SH2D5: variants seen among roughly 807,000 people sequenced by gnomAD.
The protein encoded by SH2D5 is SH2 domain-containing protein 5.
SH2D5 carries 45 observed loss-of-function variants against 48.2 expected under a neutral mutation model. That is an observed-to-expected ratio of 0.93 (90% CI 0.73 to 1.20). SH2D5 has a LOEUF of 1.20. Among genes scored for constraint, SH2D5 ranks in the 50% most tolerant of loss-of-function variants. SH2D5 has a pLI of 0.00. For missense variants in SH2D5, 538 were observed against 584.1 expected (o/e 0.92, Z 0.81); for synonymous variants, 230 against 249.8 (o/e 0.92, Z 0.75).
chr1:20,724,747 G>C, intron 5 of SH2D5, 112 bp from the exon 6 acceptor site: 1 of 1,308,622 alleles, frequency 7.6e-7, no homozygotes, highest in Non-Finnish European at 1.0e-6. Context: ...TGGCTTCGGA[G>C]GCTCTTCCCA....
In SH2D5 at chr1:20,729,424, C is replaced by A. The variant is rs2054866374; in HGVS notation, c.-42-1338G>T. 6.6e-6 allele frequency among the ~76,000 whole-genome samples: 1 copy of A among 152,168 alleles called. No homozygotes were observed. Among genetic ancestry groups the A allele is most frequent in the Admixed American group, 6.5e-5 (1 of 15,288 alleles). On this transcript the variant is annotated intron_variant, in intron 1 of 9. Coordinates refer to ENST00000444387, the MANE Select transcript of SH2D5 (RefSeq NM_001103161.2). The surrounding 1 kb of genome is among the most constrained non-coding windows in gnomAD (Gnocchi z 4.2). Reference sequence around the variant, plus strand: ...CCAGCTGCCTCAACCCTCTGAGCCTCCCCTTCCTCATCTGCAAACCTGGGA... The same window carrying A: ...CCAGCTGCCTCAACCCTCTGAGCCTACCCTTCCTCATCTGCAAACCTGGGA...
At chr1:20,731,524 G>A (rs564914312) in intron 1 of SH2D5, 1 of 152,652 alleles carries the variant, frequency 6.6e-6, no homozygotes, top group South Asian at 2.1e-4. Flanking sequence ...CGCCGCCGGT[G>A]GACGAAGGTG....
At position 20,721,818 on chromosome 1, in the gene SH2D5, C is replaced by T. The variant is rs761666159; in HGVS notation, c.1246G>A (p.Glu416Lys). The T allele has an allele frequency of 3.8e-5, 61 of 1,598,046 alleles. No homozygotes were observed. Among genetic ancestry groups the T allele is most frequent in the Non-Finnish European group, 4.4e-5 (52 of 1,171,958 alleles). The change falls in exon 10 of 10, where the codon GAG becomes AAG. Residue 416 changes from glutamate to lysine, a missense_variant. Glu to Lys is a moderately conservative substitution (Grantham distance 56). Coordinates refer to ENST00000444387, the MANE Select transcript of SH2D5 (RefSeq NM_001103161.2). ...TLRPLSHAKS[E>K]AELQGLG ...TAGCCCAGGCCCTGCAGCTCTGCCT[C>T]GGACTTGGCATGGCTGAGGGGCCGG... is the stretch of plus-strand genomic sequence containing the variant.
rs919248892 is a variant in SH2D5 at position 20,724,419 on chromosome 1, C to T, written c.607G>A (p.Ala203Thr). The T allele has an allele frequency of 1.4e-5, 22 of 1,612,778 alleles. No individual in the cohort carries two copies. The highest frequency in any genetic ancestry group is 1.1e-5 in the Non-Finnish European group (13 of 1,180,008). ...HALVSFRRLP[A>T]EGLVGSGKEL... ...ACCCCACTGCCCACCAGCCCCTCTG[C>T]TGGCAGCCGCCGAAAGGAGACCAGG... is the stretch of plus-strand genomic sequence containing the variant. The change falls in exon 6 of 10, where the codon GCA becomes ACA. Residue 203 changes from alanine (A) to threonine (T), a missense_variant. Ala to Thr is a moderately conservative substitution (Grantham distance 58). Coordinates refer to ENST00000444387, the MANE Select transcript of SH2D5 (RefSeq NM_001103161.2).
In SH2D5 at chr1:20,726,010, G is replaced by A. The variant is rs370887947; in HGVS notation, c.300C>T (p.Ala100=). 26 of 1,612,636 alleles carry A rather than the reference G, an allele frequency of 1.6e-5. No individual in the cohort carries two copies. The African/African-American group carries it at 2.4e-4, about 15-fold the overall frequency. ...GAGCCATGAAGGCAAACTGGCAGTC[G>A]GCAGGGCACCAGGTGGAGTAGAGTA... ...RRILYSTWCP[A]DCQFAFMARN... Residue 100 remains alanine (A), a synonymous_variant, in exon 5 of 10, where the codon GCC becomes GCT. Transcript: ENST00000444387.
In SH2D5 at chr1:20,724,075, C is replaced by A. The variant is rs1319588397; in HGVS notation, c.799+8G>T. 2 of 1,608,520 alleles carry A rather than the reference C, an allele frequency of 1.2e-6. No homozygotes were observed. Among genetic ancestry groups the A allele is most frequent in the Non-Finnish European group, 1.7e-6 (2 of 1,177,114 alleles). On this transcript the variant is annotated splice_region_variant and intron_variant, in intron 7 of 9. Transcript: ENST00000444387. ...TACACACAGGGCAGGCATGTTCCCA[C>A]AACTCACAGGCCTCCCGAGCCGACA...
At chr1:20,727,167 G>T in intron 3 of SH2D5, 92 bp from the exon 4 acceptor site, 1 of 1,104,966 alleles carries the variant, frequency 9.1e-7, no homozygotes, top group South Asian at 1.6e-5. Flanking sequence ...AGGCTGGTCA[G>T]CCCACTCCAC....
chr1:20,721,679 G>T lies in SH2D5; in HGVS notation c.*113C>A. 9.7e-7 allele frequency: 1 copy of T among 1,034,892 alleles called. No homozygotes were observed. 64.1% of individuals were successfully genotyped at this position (1,034,892 alleles called of 1,614,324 possible). Reference sequence around the variant, plus strand: ...GTGACGCGATGGAAGACTGCTCCAAGGGCAGGGTGACTGGATGGAACTGGC... The same window carrying T: ...GTGACGCGATGGAAGACTGCTCCAATGGCAGGGTGACTGGATGGAACTGGC... On this transcript the variant is annotated 3_prime_UTR_variant, in exon 10 of 10. Transcript: ENST00000444387.
intron 2 of SH2D5, 127 bp from the exon 3 acceptor site, chr1:20,727,730 A>G (rs2054829903): frequency 3.0e-6 from 3 of 1,000,486 alleles, no homozygotes; most frequent in South Asian, 3.1e-5. Flanking sequence ...ACAGAGCTCG[A>G]TTCTCGGAGC....
rs1472372989 is a variant in SH2D5, at chr1:20,729,079, T to C, written c.-42-993A>G. ...TCTTTCCTGGGACCCCTCTCCCACATCCAGTCGTGGAAGAGAGGAGTGGAC... is the reference window on the plus strand; with the variant it reads ...TCTTTCCTGGGACCCCTCTCCCACACCCAGTCGTGGAAGAGAGGAGTGGAC... On this transcript the variant is annotated intron_variant, in intron 1 of 9. Coordinates refer to ENST00000444387, the MANE Select transcript of SH2D5 (RefSeq NM_001103161.2). The surrounding 1 kb of genome is among the most constrained non-coding windows in gnomAD (Gnocchi z 4.2). 6.6e-6 allele frequency among the ~76,000 whole-genome samples: 1 copy of C among 152,126 alleles called. No homozygotes were observed. Among genetic ancestry groups the C allele is most frequent in the Non-Finnish European group, 1.5e-5 (1 of 68,012 alleles).
rs370143689 is a variant in SH2D5 at position 20,725,894 on chromosome 1, G to A, written c.390+26C>T. 9.3e-6 allele frequency: 15 copies of A among 1,610,378 alleles called. No individual in the cohort carries two copies. In the African/African-American group the frequency reaches 1.3e-4, roughly 14 times the overall value. On this transcript the variant is annotated intron_variant, in intron 5 of 9. Coordinates refer to ENST00000444387, the MANE Select transcript of SH2D5 (RefSeq NM_001103161.2). ...GCACAGCCCCTCCGGCCTCCGTGGCGGTCCCCTGCCTCAAGCCCCAGATAC... is the reference window on the plus strand; with the variant it reads ...GCACAGCCCCTCCGGCCTCCGTGGCAGTCCCCTGCCTCAAGCCCCAGATAC...
At position 20,721,999 on chromosome 1, in the gene SH2D5, G is replaced by T. The variant is rs370358107; in HGVS notation, c.1069-4C>A. The T allele has an allele frequency of 3.9e-5, 63 of 1,611,452 alleles. No individual in the cohort carries two copies. Among genetic ancestry groups the T allele is most frequent in the Non-Finnish European group, 5.0e-5 (59 of 1,179,162 alleles). ...TGGGGAACTCTGCCGGCAGGTGCTA[G>T]GGGAGGAAGGGACTTCAGCTCCAGT... is the stretch of plus-strand genomic sequence containing the variant. On this transcript the variant is annotated splice_region_variant and splice_polypyrimidine_tract_variant and intron_variant, in intron 9 of 9. Transcript: ENST00000444387.
In SH2D5 at chr1:20,727,776, T is replaced by G. The variant is rs543070048; in HGVS notation, c.88-173A>C. 4.4e-3 allele frequency among the ~76,000 whole-genome samples: 671 copies of G among 152,298 alleles called. 5 individuals carry two copies. The highest frequency in any genetic ancestry group is 0.015 in the African/African-American group (636 of 41,548). On this transcript the variant is annotated intron_variant, in intron 2 of 9. Coordinates refer to ENST00000444387, the MANE Select transcript of SH2D5 (RefSeq NM_001103161.2). ...CTGCTTCCCCAGCAGGAGACCTTGG[T>G]CAGGTCACTGAAGCTCTCTGAAGTC...
chr1:20,720,497 G>T lies in SH2D5; in HGVS notation c.*1295C>A, dbSNP rs1319436196. 2.0e-5 allele frequency: 3 copies of T among 152,258 alleles called. No homozygotes were observed. Among genetic ancestry groups the T allele is most frequent in the Admixed American group, 6.5e-5 (1 of 15,288 alleles). The allele number at this position is 152,258 out of a possible 1,614,324, so 9.4% of individuals were successfully genotyped here. On this transcript the variant is annotated 3_prime_UTR_variant, in exon 10 of 10. Transcript: ENST00000444387. The stretch of plus-strand genomic sequence containing the variant: ...TCTGTGACTTTCAAGGCACTGAACA[G>T]TTCTGTCCCACTCCCAGACGGGGAG...
chr1:20,725,775 C>T, intron 5 of SH2D5, 145 bp downstream of exon 5: 1 of 1,001,792 alleles, frequency 1.0e-6, no homozygotes, highest in Non-Finnish European at 1.4e-6. Context: ...GTGGGAAGAG[C>T]CACAGAAAGA....
intron 4 of SH2D5, 103 bp downstream of exon 4, chr1:20,726,897 CG>C: frequency 1.3e-5 from 13 of 978,788 alleles, no homozygotes; most frequent in Non-Finnish European, 1.7e-5. Context: ...AGGGGAAGCA[CG>C]GGGGCCGAGC....
chr1:20,723,037 C>T (rs889976091), intron 8 of SH2D5, 122 bp from the exon 9 acceptor site: 14 of 956,118 alleles, frequency 1.5e-5, no homozygotes, highest in African/African-American at 1.7e-5. Context: ...GTGCGTTGGC[C>T]GGGCTCAGTG....
Position 20,727,607 on chromosome 1 carries a change from C to T in SH2D5, c.88-4G>A. 1 of 1,606,304 alleles carries T rather than the reference C, an allele frequency of 6.2e-7. No homozygotes were observed. The highest frequency in any genetic ancestry group is 8.5e-7 in the Non-Finnish European group (1 of 1,177,086). ...CCACAGGGAAGGAGCCCACGTACTG[C>T]TCGGCAGTGGGGTGAAGGGAGTAAG... On this transcript the variant is annotated splice_region_variant and splice_polypyrimidine_tract_variant and intron_variant, in intron 2 of 9. Coordinates refer to ENST00000444387, the MANE Select transcript of SH2D5 (RefSeq NM_001103161.2).
At position 20,724,518 on chromosome 1, in the gene SH2D5, T is replaced by G; in HGVS notation, c.508A>C (p.Lys170Gln). The change falls in exon 6 of 10, where the codon AAG becomes CAG. Residue 170 changes from lysine (K) to glutamine (Q), a missense_variant. Lys to Gln is a moderately conservative substitution (Grantham distance 53, BLOSUM62 1). Transcript: ENST00000444387. ...CPGPTGEVPL[K>Q]PLSSSGGLVR... ...AGGCCCCCAGAGCTGGACAGTGGCT[T>G]CAGGGGCACCTCCCCTGTGGGCCCT... 1 of 1,611,674 alleles carries G rather than the reference T, an allele frequency of 6.2e-7. No homozygotes were observed. The highest frequency in any genetic ancestry group is 8.5e-7 in the Non-Finnish European group (1 of 1,179,458).
Sources: allele counts gnomAD v4.1 joint callset (sites outside exome capture counted in the v4.1 genomes callset), GRCh38; gene constraint gnomAD v4.1.1; non-coding constraint Gnocchi (gnomAD v3.1); transcripts MANE v1.5; gene names NCBI Gene and HGNC (gene_info 2026-07-23, HGNC 2026-07-21).